CLIC4: variants seen among roughly 807,000 people sequenced by gnomAD.
The protein encoded by CLIC4 is CLIC family member 4.
CLIC4 carries 13 observed loss-of-function variants against 24.6 expected under a neutral mutation model. The ratio of observed to expected loss-of-function variants is 0.53; its 90% confidence interval spans 0.34 to 0.84. The LOEUF (loss-of-function observed/expected upper bound fraction) is 0.84, where lower values mean the gene tolerates loss of function less well. Ranked by LOEUF, CLIC4 falls within the 40% of genes least tolerant of loss-of-function variation. The pLI is 0.01. For synonymous variants in CLIC4, 104 were observed against 111.3 expected (o/e 0.93, Z 0.41); for missense variants, 227 against 301.7 (o/e 0.75, Z 1.83).
intron 1 of CLIC4, among the ~76,000 whole-genome samples, chr1:24,748,699 A>G (rs769388636): frequency 5.5e-4 from 84 of 151,564 alleles, no homozygotes; most frequent in Admixed American, 3.4e-3. Context: ...GGGTTTTACC[A>G]TGTTGGCCAG....
intron 1 of CLIC4, among the ~76,000 whole-genome samples, chr1:24,771,411 A>T (rs1363080212): frequency 6.6e-6 from 1 of 152,200 alleles, no homozygotes; most frequent in African/African-American, 2.4e-5. Context: ...GCTAGAATGT[A>T]AATTCCAGGA....
chr1:24,787,872 G>A (rs61776083), intron 1 of CLIC4, among the ~76,000 whole-genome samples: 1 of 107,148 alleles, frequency 9.3e-6, no homozygotes, highest in African/African-American at 3.7e-5. Context: ...TTTTTTTTGG[G>A]AGAGACAGAG....
chr1:24,781,087 C>CA (rs1228000908), intron 1 of CLIC4, among the ~76,000 whole-genome samples: 1,918 of 61,634 alleles, frequency 0.031, 44 homozygotes, highest in African/African-American at 0.081. Flanking sequence ...AACTCCATCT[C>CA]AAAAAAAAAA....
chr1:24,839,739 A>G (rs527884823), intron 4 of CLIC4, 121 bp from the exon 5 acceptor site: 244 of 833,386 alleles, frequency 2.9e-4, no homozygotes, highest in Non-Finnish European at 4.3e-4. Flanking sequence ...TTTGTTCTAC[A>G]GTACCTTGTT....
intron 1 of CLIC4, among the ~76,000 whole-genome samples, chr1:24,786,770 A>G (rs1476907779): frequency 6.6e-6 from 1 of 151,656 alleles, no homozygotes; most frequent in Non-Finnish European, 1.5e-5. Flanking sequence ...GGCACCCACC[A>G]CCACACCCGG....
At chr1:24,792,453 A>G (rs1639351761) in intron 1 of CLIC4, among the ~76,000 whole-genome samples, 1 of 152,112 alleles carries the variant, frequency 6.6e-6, no homozygotes, top group Non-Finnish European at 1.5e-5. Flanking sequence ...TGGACTTCCA[A>G]AGTGTTGGGA....
chr1:24,799,537 C>T (rs1422396670), intron 2 of CLIC4, among the ~76,000 whole-genome samples: 9 of 151,504 alleles, frequency 5.9e-5, no homozygotes, highest in Admixed American at 1.3e-4. Flanking sequence ...GCCCGGCAGC[C>T]CCCCCATCTG....
At chr1:24,830,520 T>G (rs1483261986) in intron 4 of CLIC4, among the ~76,000 whole-genome samples, 1 of 152,052 alleles carries the variant, frequency 6.6e-6, no homozygotes, top group Non-Finnish European at 1.5e-5. Flanking sequence ...AGATTCCAAA[T>G]AGTTCAAAAA....
At position 24,841,720 on chromosome 1, in the gene CLIC4, T is replaced by C. The variant is rs575889264; in HGVS notation, c.*783T>C. On this transcript the variant is annotated 3_prime_UTR_variant, in exon 6 of 6. Transcript: ENST00000374379. ...ACTCTGTCTAAATACGTTTGTTATA[T>C]GTGTTTTGCCCTGTGCCATTCATTT... 1.7e-4 allele frequency: 26 copies of C among 152,720 alleles called. No homozygotes were observed. Among genetic ancestry groups the C allele is most frequent in the Middle Eastern group, 3.4e-3 (1 of 294 alleles). The allele number at this position is 152,720 out of a possible 1,614,324, so 9.5% of individuals were successfully genotyped here. A position where few individuals can be genotyped will look rare whatever the true frequency, so the allele number is the denominator to read the frequency against.
At chr1:24,751,757 G>T (rs1033324245) in intron 1 of CLIC4, among the ~76,000 whole-genome samples, 2 of 152,168 alleles carry the variant, frequency 1.3e-5, no homozygotes, top group African/African-American at 4.8e-5. Context: ...CCGGCTACTC[G>T]GGAGTCTGAG....
At chr1:24,748,128 A>G (rs1466242445) in intron 1 of CLIC4, among the ~76,000 whole-genome samples, 1 of 152,154 alleles carries the variant, frequency 6.6e-6, no homozygotes, top group Non-Finnish European at 1.5e-5. Flanking sequence ...AAAATTAAGT[A>G]TCTGAATTAG....
intron 2 of CLIC4, among the ~76,000 whole-genome samples, chr1:24,803,554 G>A (rs1259818807): frequency 6.6e-6 from 1 of 152,096 alleles, no homozygotes; most frequent in Non-Finnish European, 1.5e-5. Context: ...AGCAGCCTTC[G>A]TGCTTTGGTG....
intron 4 of CLIC4, 147 bp from the exon 5 acceptor site, chr1:24,839,713 C>T (rs1639922275): frequency 1.6e-6 from 1 of 637,590 alleles, no homozygotes; most frequent in Admixed American, 3.0e-5. Flanking sequence ...TCTAGGAGAG[C>T]AGGAGCCTTG....
At chr1:24,822,524 T>G (rs936571827) in intron 3 of CLIC4, among the ~76,000 whole-genome samples, 1 of 151,930 alleles carries the variant, frequency 6.6e-6, no homozygotes, top group Admixed American at 6.6e-5. Flanking sequence ...AATTTTTGTA[T>G]TTTTAGTAGA....
intron 3 of CLIC4, among the ~76,000 whole-genome samples, chr1:24,815,022 C>A (rs1000671055): frequency 6.6e-6 from 1 of 152,050 alleles, no homozygotes; most frequent in Admixed American, 6.6e-5. Flanking sequence ...TGGTTCCAGA[C>A]CATTGCGAGT....
intron 1 of CLIC4, among the ~76,000 whole-genome samples, chr1:24,783,927 C>T (rs941055827): frequency 6.6e-6 from 1 of 151,748 alleles, no homozygotes; most frequent in African/African-American, 2.4e-5. Context: ...TACTGGCCTA[C>T]AGATAGCTGA....
At chr1:24,805,100 A>AC (rs1481921545) in intron 2 of CLIC4, among the ~76,000 whole-genome samples, 2 of 144,582 alleles carry the variant, frequency 1.4e-5, no homozygotes, top group African/African-American at 5.0e-5. Context: ...AAAAAAAAAA[A>AC]AAAAACACAA....
At chr1:24,824,088 C>T (rs1045154006) in intron 3 of CLIC4, among the ~76,000 whole-genome samples, 2 of 152,154 alleles carry the variant, frequency 1.3e-5, no homozygotes, top group African/African-American at 2.4e-5. Context: ...AAGCTATTTG[C>T]TAAAGCCAAT....
intron 1 of CLIC4, among the ~76,000 whole-genome samples, chr1:24,756,075 C>T (rs1173103247): frequency 4.6e-5 from 7 of 150,996 alleles, no homozygotes; most frequent in African/African-American, 1.5e-4. Context: ...TCTCTGCTCA[C>T]TGCAAGCTCC....
Sources: allele counts gnomAD v4.1 joint callset (sites outside exome capture counted in the v4.1 genomes callset), GRCh38; gene constraint gnomAD v4.1.1; transcripts MANE v1.5; gene names NCBI Gene and HGNC (gene_info 2026-07-23, HGNC 2026-07-21).